Variants in CACHD1 observed in about 807,000 individuals in gnomAD.
The protein encoded by CACHD1 is VWFA and cache domain-containing protein 1.
Under a neutral mutation model 138.7 loss-of-function variants are expected in CACHD1, and 71 were observed. The observed-to-expected ratio is 0.51, with a 90% CI of 0.42 to 0.62. The LOEUF (loss-of-function observed/expected upper bound fraction) is 0.62. Ranked by LOEUF, CACHD1 falls within the 20% of genes least tolerant of loss-of-function variation. The pLI, the probability that CACHD1 is intolerant of heterozygous loss-of-function variation, is 0.00. For missense variants in CACHD1, 1,389 were observed against 1,625.3 expected, an observed-to-expected ratio of 0.85 and a Z score of 2.50; for synonymous variants, 578 against 591.5, an observed-to-expected ratio of 0.98 and a Z score of 0.33.
At chr1:64,537,179 G>A (rs1646639397) in intron 1 of CACHD1, among the ~76,000 whole-genome samples, 1 of 152,090 alleles carries the variant, frequency 6.6e-6, no homozygotes. Context: ...CTGGGAAGGT[G>A]TCTCAGACCA....
chr1:64,676,817 C>G (rs1479952748), intron 21 of CACHD1, 78 bp from the exon 22 acceptor site: 6 of 1,112,124 alleles, frequency 5.4e-6, no homozygotes, highest in Non-Finnish European at 8.0e-6. Context: ...ATCTGTCTGA[C>G]TGCTGTTAAG....
chr1:64,595,177 C>G (rs916249994), intron 3 of CACHD1, among the ~76,000 whole-genome samples: 1 of 152,132 alleles, frequency 6.6e-6, no homozygotes, highest in Non-Finnish European at 1.5e-5. Flanking sequence ...GTGTCTGTGT[C>G]ATACCACTCA....
rs114690333 is a variant in CACHD1 at position 64,519,892 on chromosome 1, T to C, written c.199-30702T>C. Among the ~76,000 whole-genome samples, 783 of 152,344 alleles carry C rather than the reference T, an allele frequency of 5.1e-3. 8 individuals are homozygous for C. Among genetic ancestry groups the C allele is most frequent in the African/African-American group, 0.018 (743 of 41,578 alleles). ...TATTTGAGGTGAGAGGTTTTGCTAC[T>C]ATCCCACAACCTTGCCACCTACTTA... is the stretch of plus-strand genomic sequence containing the variant. On this transcript the variant is annotated intron_variant, in intron 1 of 26. Coordinates refer to ENST00000651257, the MANE Select transcript of CACHD1 (RefSeq NM_020925.4).
chr1:64,585,079 ATACTC>A (rs1647041577), intron 3 of CACHD1, among the ~76,000 whole-genome samples: 1 of 152,236 alleles, frequency 6.6e-6, no homozygotes, highest in South Asian at 2.1e-4. Flanking sequence ...AAAATTATAA[ATACTC>A]TAAATTTCTA....
At chr1:64,554,819 T>C (rs1316854374) in intron 2 of CACHD1, among the ~76,000 whole-genome samples, 1 of 152,228 alleles carries the variant, frequency 6.6e-6, no homozygotes, top group Non-Finnish European at 1.5e-5. Context: ...CAGCCATGTA[T>C]GACTACCGAG....
chr1:64,641,488 T>C (rs6677648), intron 7 of CACHD1, among the ~76,000 whole-genome samples: 106,268 of 152,118 alleles, frequency 0.7, 38,811 homozygotes, highest in Non-Finnish European at 0.79. Context: ...CATCATCTGT[T>C]TCAGAAGGCA....
At chr1:64,595,766 G>C (rs1419948873) in intron 3 of CACHD1, among the ~76,000 whole-genome samples, 1 of 152,232 alleles carries the variant, frequency 6.6e-6, no homozygotes, top group Non-Finnish European at 1.5e-5. Flanking sequence ...CAAGGTCACA[G>C]CAGGGCCTTC....
At chr1:64,620,692 T>C (rs996427110) in intron 4 of CACHD1, among the ~76,000 whole-genome samples, 1 of 152,228 alleles carries the variant, frequency 6.6e-6, no homozygotes, top group Non-Finnish European at 1.5e-5. Flanking sequence ...ACCATACTCT[T>C]TCTTTCTTAA....
chr1:64,644,640 TTAATC>T (rs1648844038), intron 8 of CACHD1, among the ~76,000 whole-genome samples: 1 of 152,230 alleles, frequency 6.6e-6, no homozygotes, highest in African/African-American at 2.4e-5. Flanking sequence ...CTTTCTTCCT[TTAATC>T]TAACCAGACA....
intron 1 of CACHD1, among the ~76,000 whole-genome samples, chr1:64,518,792 T>C (rs1039300687): frequency 6.6e-6 from 1 of 152,072 alleles, no homozygotes; most frequent in African/African-American, 2.4e-5. Flanking sequence ...GATGGGACAG[T>C]CCTTGTTTAG....
At chr1:64,531,828 G>T (rs1462912560) in intron 1 of CACHD1, among the ~76,000 whole-genome samples, 1 of 152,148 alleles carries the variant, frequency 6.6e-6, no homozygotes, top group African/African-American at 2.4e-5. Context: ...AATCTTCCAT[G>T]TTACAGTTTA....
intron 1 of CACHD1, among the ~76,000 whole-genome samples, chr1:64,514,988 T>C (rs954315000): frequency 6.6e-6 from 1 of 152,212 alleles, no homozygotes; most frequent in Non-Finnish European, 1.5e-5. Context: ...TGGAGACATC[T>C]TGACTATGTG....
chr1:64,673,285 G>T (rs764236638), intron 18 of CACHD1, 28 bp downstream of exon 18: 1 of 1,612,966 alleles, frequency 6.2e-7, no homozygotes, highest in African/African-American at 1.3e-5. Context: ...GAGCTGCTCA[G>T]TTCTCCAACC....
intron 1 of CACHD1, among the ~76,000 whole-genome samples, chr1:64,543,531 A>G (rs1289912784): frequency 6.6e-6 from 1 of 151,520 alleles, no homozygotes; most frequent in Non-Finnish European, 1.5e-5. Flanking sequence ...AGCTAGGATC[A>G]TGCTACTGCA....
rs561156917 is a variant in CACHD1, at chr1:64,632,849, G to C, written c.789+106G>C. On this transcript the variant is annotated intron_variant, in intron 6 of 26. Coordinates refer to ENST00000651257, the MANE Select transcript of CACHD1 (RefSeq NM_020925.4). ...TACAGATCCTCCTTGACTTACAATG[G>C]GGTTACATCCTGATAAATCCATCAT... is the stretch of plus-strand genomic sequence containing the variant. 3.3e-5 allele frequency: 42 copies of C among 1,276,892 alleles called. No individual in the cohort carries two copies. The African/African-American group carries it at 5.9e-4, about 18-fold the overall frequency. The allele number at this position is 1,276,892 out of a possible 1,614,324, so 79.1% of individuals were successfully genotyped here. A position where few individuals can be genotyped will look rare whatever the true frequency, so the allele number is the denominator to read the frequency against.
At chr1:64,523,910 G>A (rs1029761047) in intron 1 of CACHD1, among the ~76,000 whole-genome samples, 5 of 125,854 alleles carry the variant, frequency 4.0e-5, no homozygotes, top group Non-Finnish European at 9.2e-5. Flanking sequence ...ATGGACCTCA[G>A]TAAATGGAGT....
chr1:64,579,086 C>G (rs1646991531), intron 2 of CACHD1, among the ~76,000 whole-genome samples: 1 of 152,218 alleles, frequency 6.6e-6, no homozygotes, highest in South Asian at 2.1e-4. Flanking sequence ...CATACAGACT[C>G]TTGCAGCTAC....
At chr1:64,620,408 G>T (rs995986264) in intron 4 of CACHD1, among the ~76,000 whole-genome samples, 1 of 152,054 alleles carries the variant, frequency 6.6e-6, no homozygotes, top group African/African-American at 2.4e-5. Flanking sequence ...GGAGTGCATT[G>T]TCCCTTAGAG....
At chr1:64,613,154 G>C (rs1356322230) in intron 4 of CACHD1, among the ~76,000 whole-genome samples, 2 of 152,184 alleles carry the variant, frequency 1.3e-5, no homozygotes, top group African/African-American at 2.4e-5. Flanking sequence ...CTGAAGATGT[G>C]CCTCAATTGG....
Sources: allele counts gnomAD v4.1 joint callset (sites outside exome capture counted in the v4.1 genomes callset), GRCh38; gene constraint gnomAD v4.1.1; transcripts MANE v1.5; gene names NCBI Gene and HGNC (gene_info 2026-07-23, HGNC 2026-07-21).